Variants in DLGAP1 observed in about 807,000 individuals in gnomAD.
The protein encoded by DLGAP1 is disks large-associated protein 1.
DLGAP1 carries 11 observed loss-of-function variants against 90.8 expected under a neutral mutation model. The ratio of observed to expected loss-of-function variants is 0.12; its 90% confidence interval spans 0.08 to 0.20. The LOEUF (loss-of-function observed/expected upper bound fraction) is 0.20. DLGAP1 is among the 10% of genes least tolerant of loss of function. The pLI, the probability that DLGAP1 is intolerant of heterozygous loss-of-function variation, is 1.00. For missense variants in DLGAP1, 1,050 were observed against 1,333.8 expected, an observed-to-expected ratio of 0.79 and a Z score of 3.31; for synonymous variants, 558 against 540.7, an observed-to-expected ratio of 1.03 and a Z score of -0.44.
intron 1 of DLGAP1, among the ~76,000 whole-genome samples, chr18:4,452,335 A>C (rs1203057967): frequency 3.3e-5 from 5 of 152,180 alleles, no homozygotes. Flanking sequence ...GAAAGAGTTG[A>C]TGTTCAAAGA....
chr18:4,181,340 T>C (rs1446584208), intron 1 of DLGAP1, among the ~76,000 whole-genome samples: 1 of 152,192 alleles, frequency 6.6e-6, no homozygotes, highest in Non-Finnish European at 1.5e-5. Context: ...ATCATTGAAA[T>C]GTCACCAGAG....
At position 3,961,608 on chromosome 18, in the gene DLGAP1, C is replaced by T. The variant is rs562032138; in HGVS notation, c.-73+43508G>A. 3.3e-5 allele frequency among the ~76,000 whole-genome samples: 5 copies of T among 152,326 alleles called. No individual in the cohort carries two copies. The East Asian group carries it at 9.7e-4, about 29-fold the overall frequency. On this transcript the variant is annotated intron_variant, in intron 3 of 12. Transcript: ENST00000315677. ...TCCAGGTTTTGTCCATCACTCCCTC[C>T]TCCCAGCAAAACCTCACTCCTTGGC...
At chr18:3,609,308 A>G (rs1482497555) in intron 7 of DLGAP1, among the ~76,000 whole-genome samples, 1 of 152,170 alleles carries the variant, frequency 6.6e-6, no homozygotes, top group Admixed American at 6.5e-5. Context: ...TGGCCTCCCA[A>G]AGTACTGGGA....
At chr18:3,807,830 C>T (rs1205674736) in intron 5 of DLGAP1, among the ~76,000 whole-genome samples, 3 of 152,180 alleles carry the variant, frequency 2.0e-5, no homozygotes, top group African/African-American at 7.2e-5. Context: ...ATTCTTTTGC[C>T]TCCTTTAAAG....
chr18:4,347,303 T>A (rs1404873811), intron 1 of DLGAP1, among the ~76,000 whole-genome samples: 1 of 152,098 alleles, frequency 6.6e-6, no homozygotes, highest in African/African-American at 2.4e-5. Flanking sequence ...CTCTACAAAT[T>A]GCTGCAAAAC....
At chr18:4,020,933 C>G (rs943342062) in intron 2 of DLGAP1, among the ~76,000 whole-genome samples, 3 of 152,102 alleles carry the variant, frequency 2.0e-5, no homozygotes, top group African/African-American at 7.2e-5. Flanking sequence ...TTCTGATGGA[C>G]CAGCTGACAC....
At chr18:4,127,439 GAGAGA>G (rs774388073) in intron 2 of DLGAP1, among the ~76,000 whole-genome samples, 4 of 152,218 alleles carry the variant, frequency 2.6e-5, no homozygotes, top group South Asian at 4.2e-4. Context: ...ATGTAGGAAA[GAGAGA>G]AGAGAAAAGA....
intron 5 of DLGAP1, among the ~76,000 whole-genome samples, chr18:3,760,730 A>G (rs1186018745): frequency 6.6e-6 from 1 of 152,230 alleles, no homozygotes; most frequent in Admixed American, 6.5e-5. Context: ...CATTGCCTCA[A>G]AATAACTCCT....
At chr18:3,957,804 T>C (rs958069671) in intron 3 of DLGAP1, among the ~76,000 whole-genome samples, 6 of 152,150 alleles carry the variant, frequency 3.9e-5, no homozygotes, top group African/African-American at 1.2e-4. Flanking sequence ...TATTAAATTA[T>C]ATGGAGCCCA....
At chr18:3,626,113 T>C (rs1375636195) in intron 7 of DLGAP1, among the ~76,000 whole-genome samples, 2 of 151,798 alleles carry the variant, frequency 1.3e-5, no homozygotes, top group African/African-American at 2.4e-5. Flanking sequence ...CTGGACAACA[T>C]AGGGAGACCC....
chr18:3,907,076 T>C (rs1030196891), intron 3 of DLGAP1, among the ~76,000 whole-genome samples: 3 of 152,212 alleles, frequency 2.0e-5, no homozygotes, highest in Non-Finnish European at 4.4e-5. Flanking sequence ...TGCAATTATA[T>C]GTAAATATTA....
intron 7 of DLGAP1, among the ~76,000 whole-genome samples, chr18:3,609,433 G>T (rs56344118): frequency 0.31 from 47,148 of 152,132 alleles, 7,645 homozygotes; most frequent in Non-Finnish European, 0.34. Context: ...TCTGTCTTCT[G>T]TGATAGGAGT....
At chr18:4,326,963 C>T (rs2080831885) in intron 1 of DLGAP1, among the ~76,000 whole-genome samples, 1 of 151,936 alleles carries the variant, frequency 6.6e-6, no homozygotes, top group Non-Finnish European at 1.5e-5. Context: ...GTACAGTTTA[C>T]CTATATGACA....
intron 10 of DLGAP1, among the ~76,000 whole-genome samples, chr18:3,523,875 C>T (rs1339659072): frequency 1.3e-5 from 2 of 150,906 alleles, no homozygotes; most frequent in Admixed American, 6.6e-5. Flanking sequence ...GGGCAAAGGT[C>T]CTTGACACAG....
At position 3,890,599 on chromosome 18, in the gene DLGAP1, T is replaced by A. The variant is rs113899843; in HGVS notation, c.-72-10459A>T. 2.9e-3 allele frequency among the ~76,000 whole-genome samples: 445 copies of A among 152,380 alleles called. 3 individuals carry two copies. Among genetic ancestry groups the A allele is most frequent in the African/African-American group, 0.01 (424 of 41,594 alleles). On this transcript the variant is annotated intron_variant, in intron 3 of 12. Coordinates refer to ENST00000315677, the MANE Select transcript of DLGAP1 (RefSeq NM_004746.4). ...ACTGGTTTTTATTGTCTTTTAGAAT[T>A]CTACCCCCAGTCTTAAATTTTAAAC...
intron 2 of DLGAP1, among the ~76,000 whole-genome samples, chr18:4,148,174 G>A (rs1483039221): frequency 6.6e-6 from 1 of 151,932 alleles, no homozygotes; most frequent in East Asian, 1.9e-4. Flanking sequence ...AAATAAAGCG[G>A]GCTAGATAAG....
At chr18:3,814,474 G>A (rs923192287) in intron 4 of DLGAP1, among the ~76,000 whole-genome samples, 1 of 147,972 alleles carries the variant, frequency 6.8e-6, no homozygotes. Flanking sequence ...CCGTTCTCCT[G>A]CCTCAGCCTC....
At chr18:4,080,887 GC>G (rs1168540883) in intron 2 of DLGAP1, among the ~76,000 whole-genome samples, 1 of 116,926 alleles carries the variant, frequency 8.6e-6, no homozygotes, top group African/African-American at 3.0e-5. Context: ...AGATTTGAAT[GC>G]CCTTTTTTTT....
chr18:4,228,577 G>A (rs1479373721), intron 1 of DLGAP1, among the ~76,000 whole-genome samples: 1 of 151,862 alleles, frequency 6.6e-6, no homozygotes, highest in East Asian at 1.9e-4. Context: ...CAGAATGAAG[G>A]ATAACAACCA....
Sources: gnomAD v4.1 joint callset for allele counts (sites outside exome capture counted in the v4.1 genomes callset) on GRCh38, gnomAD v4.1.1 for gene constraint, MANE v1.5 for transcripts, NCBI Gene and HGNC (gene_info 2026-07-23, HGNC 2026-07-21) for gene names.